Variants in SLC35F4 observed in about 807,000 individuals in gnomAD.
The protein encoded by SLC35F4 is solute carrier family 35 member F4.
Under a neutral mutation model 44.2 loss-of-function variants are expected in SLC35F4, and 24 were observed. The ratio of observed to expected loss-of-function variants is 0.54; its 90% CI spans 0.39 to 0.76. SLC35F4 has a LOEUF of 0.76. Among genes scored for constraint, SLC35F4 ranks in the 30% least tolerant of loss-of-function variants. SLC35F4 has a pLI of 0.00. For missense variants in SLC35F4, 562 were observed against 586.1 expected (o/e 0.96, Z 0.42); for synonymous variants, 238 against 223.6 (o/e 1.06, Z -0.57).
intron 1 of SLC35F4, among the ~76,000 whole-genome samples, chr14:57,837,146 A>G (rs1885012267): frequency 6.6e-6 from 1 of 152,216 alleles, no homozygotes; most frequent in Non-Finnish European, 1.5e-5. Context: ...GGAACTTAAA[A>G]TGAAATAAAT....
At chr14:57,878,571 G>T (rs1431693054) in intron 1 of SLC35F4, among the ~76,000 whole-genome samples, 1 of 152,042 alleles carries the variant, frequency 6.6e-6, no homozygotes, top group East Asian at 1.9e-4. Flanking sequence ...TATACATGCT[G>T]TTCCCTCTAT....
intron 1 of SLC35F4, among the ~76,000 whole-genome samples, chr14:57,727,320 TA>T (rs2076230077): frequency 6.6e-6 from 1 of 151,994 alleles, no homozygotes; most frequent in Non-Finnish European, 1.5e-5. Flanking sequence ...TTAGACTGGC[TA>T]AAGTTTTGTC....
intron 1 of SLC35F4, among the ~76,000 whole-genome samples, chr14:57,751,426 T>G (rs1421963066): frequency 6.6e-6 from 1 of 152,182 alleles, no homozygotes; most frequent in Non-Finnish European, 1.5e-5. Flanking sequence ...AAAGCTCACT[T>G]AGAGATTGCT....
chr14:57,789,422 T>C (rs768847646), intron 1 of SLC35F4, among the ~76,000 whole-genome samples: 32 of 152,212 alleles, frequency 2.1e-4, no homozygotes, highest in South Asian at 4.1e-4. Context: ...CCTGGACACA[T>C]ACACCCTCCC....
intron 1 of SLC35F4, among the ~76,000 whole-genome samples, chr14:57,706,688 T>C (rs915644179): frequency 6.6e-6 from 1 of 150,452 alleles, no homozygotes; most frequent in Non-Finnish European, 1.5e-5. Context: ...GAAGGTGGAG[T>C]GGGCGAAAGA....
At chr14:57,977,854 A>C (rs1881264406) in intron 1 of SLC35F4, among the ~76,000 whole-genome samples, 1 of 152,170 alleles carries the variant, frequency 6.6e-6, no homozygotes, top group African/African-American at 2.4e-5. Flanking sequence ...AAATCTTCTC[A>C]ATGGACAGAA....
At chr14:57,915,865 C>T (rs921938202) in intron 1 of SLC35F4, among the ~76,000 whole-genome samples, 57 of 152,320 alleles carry the variant, frequency 3.7e-4, no homozygotes, top group Admixed American at 3.5e-3. Context: ...CCTAAATGAT[C>T]TGTTCATGGC....
chr14:57,701,472 C>T (rs1483148232), intron 1 of SLC35F4, among the ~76,000 whole-genome samples: 1 of 151,982 alleles, frequency 6.6e-6, no homozygotes, highest in African/African-American at 2.4e-5. Flanking sequence ...CATTTATTAT[C>T]ATTATCAAGT....
intron 1 of SLC35F4, among the ~76,000 whole-genome samples, chr14:57,924,944 C>T (rs1320044982): frequency 1.3e-5 from 2 of 151,992 alleles, no homozygotes; most frequent in East Asian, 3.9e-4. Context: ...TTTTAAGAGA[C>T]AAGGTATCAC....
intron 1 of SLC35F4, among the ~76,000 whole-genome samples, chr14:57,632,419 A>G (rs79815257): frequency 0.068 from 10,370 of 152,170 alleles, 999 homozygotes; most frequent in African/African-American, 0.22. Flanking sequence ...GAGAGCTCAC[A>G]GGAGGTAAAG....
At chr14:57,590,658 A>T (rs1214314571) in intron 2 of SLC35F4, among the ~76,000 whole-genome samples, 1 of 152,226 alleles carries the variant, frequency 6.6e-6, no homozygotes, top group Non-Finnish European at 1.5e-5. Flanking sequence ...TGTACCTTTC[A>T]GGAAGTTAAA....
At chr14:57,872,668 C>T (rs548957213) in intron 1 of SLC35F4, among the ~76,000 whole-genome samples, 2 of 152,154 alleles carry the variant, frequency 1.3e-5, no homozygotes, top group African/African-American at 2.4e-5. Context: ...ACTGGGCAAA[C>T]CTGTGACAAT....
chr14:57,625,158 A>C (rs892615628), intron 1 of SLC35F4, among the ~76,000 whole-genome samples: 2 of 151,988 alleles, frequency 1.3e-5, no homozygotes, highest in Admixed American at 6.6e-5. Context: ...CTATACACCA[A>C]GAACAGACAG....
At chr14:57,729,029 A>G (rs781360247) in intron 1 of SLC35F4, among the ~76,000 whole-genome samples, 3 of 152,116 alleles carry the variant, frequency 2.0e-5, no homozygotes, top group Non-Finnish European at 2.9e-5. Context: ...GCTGCCAGAC[A>G]TTTTGGAACT....
intron 1 of SLC35F4, among the ~76,000 whole-genome samples, chr14:57,831,922 G>A (rs1259348798): frequency 6.6e-6 from 1 of 152,170 alleles, no homozygotes; most frequent in African/African-American, 2.4e-5. Context: ...AATCATAAGT[G>A]TATATCCGTG....
Position 57,569,797 on chromosome 14 carries a change from G to C in SLC35F4, c.1117C>G (p.Leu373Val), listed in dbSNP as rs1165365899. 2 of 1,599,852 alleles carry C rather than the reference G, an allele frequency of 1.3e-6. No individual in the cohort carries two copies. The highest frequency in any genetic ancestry group is 2.7e-5 in the African/African-American group (2 of 74,172). Residue 373 changes from leucine to valine, a missense_variant, in exon 6 of 8, where the codon CTG becomes GTG. By Grantham distance (32) the Leu-to-Val change is conservative. Coordinates refer to ENST00000556826, the MANE Select transcript of SLC35F4 (RefSeq NM_001306087.2). ...PWGCLCGMAG[L>V]WLAFNILVNV... ...ACCCGAGGCCACTTACCCAGCCACA[G>C]CCCTGCCATCCCACAGAGACAGCCC...
intron 1 of SLC35F4, among the ~76,000 whole-genome samples, chr14:57,775,493 T>C (rs1258932801): frequency 6.6e-6 from 1 of 152,194 alleles, no homozygotes; most frequent in Non-Finnish European, 1.5e-5. Context: ...GAGGTCAATA[T>C]CAGTCCCTCA....
chr14:57,914,570 G>GA (rs57769066), intron 1 of SLC35F4, among the ~76,000 whole-genome samples: 6,787 of 139,866 alleles, frequency 0.049, 419 homozygotes, highest in African/African-American at 0.14. Context: ...CTCATAAAAA[G>GA]AAAAAAAAAA....
At position 57,937,150 on chromosome 14, in the gene SLC35F4, C is replaced by A. The variant is rs548547204; in HGVS notation, n.282+44763G>T. On this transcript the variant is annotated intron_variant and non_coding_transcript_variant, in intron 1 of 1. Coordinates refer to the SLC35F4 transcript ENST00000556568. ...TGGCGCTATCTCGGCTCACGGCAACCTCCGCTTCCCAGGTTCAAGCAATTC... is the reference window on the plus strand; with the variant it reads ...TGGCGCTATCTCGGCTCACGGCAACATCCGCTTCCCAGGTTCAAGCAATTC... Among the ~76,000 whole-genome samples the A allele has an allele frequency of 8.6e-5, 13 of 151,988 alleles. No homozygotes were observed. The South Asian group carries it at 1.9e-3, about 22-fold the overall frequency.
Sources: gnomAD v4.1 joint callset for allele counts (sites outside exome capture counted in the v4.1 genomes callset) on GRCh38, gnomAD v4.1.1 for gene constraint, MANE v1.5 for transcripts, NCBI Gene and HGNC (gene_info 2026-07-23, HGNC 2026-07-21) for gene names.